The following MAP2 variants were observed in gnomAD, a reference collection of about 807,000 sequenced individuals.
The protein encoded by MAP2 is microtubule associated protein 2.
In MAP2, 14 loss-of-function variants were observed where a neutral mutation model predicts 137.6. The observed-to-expected ratio is 0.10, with a 90% confidence interval of 0.07 to 0.16. The LOEUF is 0.16. Ranked by LOEUF, MAP2 falls within the 10% of genes least tolerant of loss-of-function variation. The probability of loss-of-function intolerance (pLI) is 1.00; values close to 1 mark genes in which losing one functional copy is unlikely to be tolerated. For missense variants in MAP2, 2,088 were observed against 2,191.5 expected, an observed-to-expected ratio of 0.95 and a Z score of 0.94; for synonymous variants, 786 against 782.3, an observed-to-expected ratio of 1.00 and a Z score of -0.08.
chr2:209,620,088 A>G (rs997245712), intron 3 of MAP2, among the ~76,000 whole-genome samples: 2 of 152,130 alleles, frequency 1.3e-5, no homozygotes, highest in Non-Finnish European at 2.9e-5. Context: ...GAGTCTTCCT[A>G]CTCACATCAG....
At chr2:209,433,466 A>T (rs1694870294) in intron 1 of MAP2, among the ~76,000 whole-genome samples, 1 of 152,112 alleles carries the variant, frequency 6.6e-6, no homozygotes, top group Non-Finnish European at 1.5e-5. Context: ...GTCAGAACAG[A>T]AGGCAGGTAC....
At chr2:209,539,974 G>A (rs1322013518) in intron 2 of MAP2, among the ~76,000 whole-genome samples, 1 of 150,516 alleles carries the variant, frequency 6.6e-6, no homozygotes, top group Non-Finnish European at 1.5e-5. Context: ...GGTGGCATGT[G>A]CCTGTAGTCC....
chr2:209,566,868 G>A (rs2073533548), intron 2 of MAP2, among the ~76,000 whole-genome samples: 2 of 151,910 alleles, frequency 1.3e-5, no homozygotes. Context: ...TCTCTCATCC[G>A]CCATCAATCA....
chr2:209,553,749 T>C lies in MAP2; in HGVS notation c.-171-26287T>C, dbSNP rs1288577167. 2.6e-5 allele frequency among the ~76,000 whole-genome samples: 4 copies of C among 152,222 alleles called. No homozygotes were observed. In the East Asian group the frequency reaches 7.7e-4, roughly 29 times the overall value. On this transcript the variant is annotated intron_variant, in intron 2 of 15. Coordinates refer to ENST00000682079, the MANE Select transcript of MAP2 (RefSeq NM_001375505.1). ...TTTGTCCTCATCCCTAAGTGGCGTA[T>C]TTGAGAATGTTATCATTGCCTAAAT... is the stretch of plus-strand genomic sequence containing the variant.
At chr2:209,486,238 T>TC (rs1553555599) in intron 1 of MAP2, among the ~76,000 whole-genome samples, 1 of 107,784 alleles carries the variant, frequency 9.3e-6, no homozygotes, top group East Asian at 3.2e-4. Flanking sequence ...GGAAATCTTT[T>TC]CTTTTTTTTT....
intron 4 of MAP2, among the ~76,000 whole-genome samples, chr2:209,636,347 A>G (rs917836479): frequency 1.3e-5 from 2 of 152,114 alleles, no homozygotes; most frequent in African/African-American, 4.8e-5. Flanking sequence ...TCTCTAACAC[A>G]GACAGACTGC....
chr2:209,540,972 A>G (rs2066924160), intron 2 of MAP2, among the ~76,000 whole-genome samples: 1 of 151,106 alleles, frequency 6.6e-6, no homozygotes, highest in Non-Finnish European at 1.5e-5. Flanking sequence ...TAAGTGTGCA[A>G]TAGTATGTCT....
intron 1 of MAP2, among the ~76,000 whole-genome samples, chr2:209,453,581 T>C (rs1452554343): frequency 1.3e-5 from 2 of 152,336 alleles, no homozygotes; most frequent in East Asian, 3.9e-4. Flanking sequence ...TTCCTAAAAA[T>C]TAAAGCCTAA....
Position 209,694,839 on chromosome 2 carries a change from C to T in MAP2, c.2669C>T (p.Ser890Leu), listed in dbSNP as rs1166443302. Residue 890 changes from serine to leucine, a missense_variant, in exon 8 of 16, where the codon TCA (serine) becomes TTA (leucine). Ser to Leu is a moderately radical substitution (Grantham distance 145, BLOSUM62 -2). This residue lies in a region of MAP2 where 500 missense variants were observed against 482.9 expected (regional missense o/e 1.04). Transcript: ENST00000682079. ...PSPVQDSENL[S>L]GESGTFYEGT... ...CCTGTTCAAGACAGTGAGAATTTATCAGGGGAGAGTGGTACCTTTTACGAA... is the reference window on the plus strand; with the variant it reads ...CCTGTTCAAGACAGTGAGAATTTATTAGGGGAGAGTGGTACCTTTTACGAA... 3 of 1,614,034 alleles carry T rather than the reference C, an allele frequency of 1.9e-6. No homozygotes were observed. The highest frequency in any genetic ancestry group is 2.5e-6 in the Non-Finnish European group (3 of 1,180,020).
At chr2:209,557,822 G>C (rs1204697291) in intron 2 of MAP2, among the ~76,000 whole-genome samples, 1 of 152,228 alleles carries the variant, frequency 6.6e-6, no homozygotes, top group Non-Finnish European at 1.5e-5. Context: ...GATGTGCACT[G>C]AGGGAGTTAG....
rs538338151 is a variant in MAP2, at chr2:209,552,718, G to C, written c.-171-27318G>C. Among the ~76,000 whole-genome samples, 381 of 151,950 alleles carry C rather than the reference G, an allele frequency of 2.5e-3. 8 individuals are homozygous for C. The highest frequency in any genetic ancestry group is 1.1e-3 in the Non-Finnish European group (77 of 67,936). On this transcript the variant is annotated intron_variant, in intron 2 of 15. Coordinates refer to ENST00000682079, the MANE Select transcript of MAP2 (RefSeq NM_001375505.1). ...TCTACTAAAAATACAAAAATTAGCC[G>C]GGCGTTGTGGCACGCACCTGTAGTC...
Position 209,696,543 on chromosome 2 carries a change from T to A in MAP2, c.4182T>A (p.Asp1394Glu), listed in dbSNP as rs765455128. ...GTCATGATTTGCTTTGATCCACAGA[T>A]GATGATAGGAGCATCATGACAGAAC... ...DADSLWVDTQ[D>E]DDRSIMTEQL... is the part of the protein sequence containing the mutation. Residue 1394 changes from aspartate (D) to glutamate (E), a missense_variant and splice_region_variant, in exon 9 of 16, where the codon GAT (aspartate) becomes GAA (glutamate). Asp to Glu is a conservative substitution (Grantham distance 45). This residue lies in a region of MAP2 where 591 missense variants were observed against 642.6 expected (regional missense o/e 0.92). Coordinates refer to ENST00000682079, the MANE Select transcript of MAP2 (RefSeq NM_001375505.1). 33 of 1,608,662 alleles carry A rather than the reference T, an allele frequency of 2.1e-5. No homozygotes were observed. Among genetic ancestry groups the A allele is most frequent in the Non-Finnish European group, 2.5e-5 (30 of 1,178,328 alleles).
At chr2:209,593,447 A>G (rs2079842844) in intron 3 of MAP2, among the ~76,000 whole-genome samples, 1 of 148,542 alleles carries the variant, frequency 6.7e-6, no homozygotes, top group Admixed American at 6.8e-5. Context: ...TTAACTGTGA[A>G]GGCTGACTAA....
intron 4 of MAP2, among the ~76,000 whole-genome samples, chr2:209,637,111 T>G (rs2093633392): frequency 1.3e-5 from 2 of 152,128 alleles, no homozygotes; most frequent in African/African-American, 4.8e-5. Flanking sequence ...GCTGCTGTAT[T>G]CTGCTTTTCT....
chr2:209,479,865 T>C lies in MAP2; in HGVS notation c.-221-27727T>C, dbSNP rs111427185. ...ATATAATAGCCGAACATTTCAACTGTTTTCAAATTATGCATCAAAATAAAA... is the reference window on the plus strand; with the variant it reads ...ATATAATAGCCGAACATTTCAACTGCTTTCAAATTATGCATCAAAATAAAA... On this transcript the variant is annotated intron_variant, in intron 1 of 15. Transcript: ENST00000682079. Among the ~76,000 whole-genome samples the C allele has an allele frequency of 5.1e-3, 784 of 152,300 alleles. 5 individuals are homozygous for C. Among genetic ancestry groups the C allele is most frequent in the Middle Eastern group, 0.031 (9 of 294 alleles).
chr2:209,468,240 A>G (rs1346321001), intron 1 of MAP2, among the ~76,000 whole-genome samples: 2 of 151,536 alleles, frequency 1.3e-5, no homozygotes, highest in Non-Finnish European at 2.9e-5. Flanking sequence ...TTAATTTTTC[A>G]CATCTCTCCT....
chr2:209,656,191 G>A (rs1422630043), intron 5 of MAP2, among the ~76,000 whole-genome samples: 2 of 152,038 alleles, frequency 1.3e-5, no homozygotes, highest in South Asian at 2.1e-4. Context: ...ACACCAGAGG[G>A]TGGGAGAGTG....
intron 9 of MAP2, 46 bp downstream of exon 9, chr2:209,696,794 A>G (rs746370286): frequency 1.9e-6 from 3 of 1,564,986 alleles, no homozygotes; most frequent in Non-Finnish European, 2.6e-6. Flanking sequence ...GAAGTAATTC[A>G]TTATTACTTT....
At chr2:209,494,683 A>T (rs910057071) in intron 1 of MAP2, among the ~76,000 whole-genome samples, 75 of 152,230 alleles carry the variant, frequency 4.9e-4, no homozygotes, top group African/African-American at 1.8e-3. Context: ...CCTATGGAGT[A>T]GCTATTCTTT....
Sources: allele counts gnomAD v4.1 joint callset (sites outside exome capture counted in the v4.1 genomes callset), GRCh38; gene constraint gnomAD v4.1.1; regional missense constraint gnomAD v4.1.1; transcripts MANE v1.5; gene names NCBI Gene and HGNC (gene_info 2026-07-23, HGNC 2026-07-21).